The following CMTM6 variants were observed in gnomAD, a reference collection of about 807,000 sequenced individuals.
The protein encoded by CMTM6 is CKLF-like MARVEL transmembrane domain-containing protein 6.
In CMTM6, 5 loss-of-function variants were observed where a neutral mutation model predicts 13.6. The observed-to-expected ratio is 0.37, with a 90% confidence interval of 0.19 to 0.77. The LOEUF (loss-of-function observed/expected upper bound fraction) is 0.77. Among genes scored for constraint, CMTM6 ranks in the 30% least tolerant of loss-of-function variants. The pLI, the probability that CMTM6 is intolerant of heterozygous loss-of-function variation, is 0.50. For missense variants in CMTM6, 196 were observed against 218.6 expected (o/e 0.90, Z 0.65); for synonymous variants, 99 against 84.5 (o/e 1.17, Z -0.94).
chr3:32,488,806 G>C (rs1474922082), intron 2 of CMTM6, among the ~76,000 whole-genome samples: 3 of 152,112 alleles, frequency 2.0e-5, no homozygotes, highest in African/African-American at 7.2e-5. Flanking sequence ...GGGTTTCCAA[G>C]TGCTCTCTCA....
intron 1 of CMTM6, among the ~76,000 whole-genome samples, chr3:32,501,405 C>A (rs1697344059): frequency 6.6e-6 from 1 of 152,076 alleles, no homozygotes; most frequent in Admixed American, 6.6e-5. Context: ...CCTGATGCCT[C>A]GTAATAAATT....
At chr3:32,499,531 A>G (rs1187662419) in intron 1 of CMTM6, among the ~76,000 whole-genome samples, 1 of 152,208 alleles carries the variant, frequency 6.6e-6, no homozygotes. Flanking sequence ...CCAAACGTCA[A>G]TTCTCCCCTT....
intron 1 of CMTM6, among the ~76,000 whole-genome samples, chr3:32,494,693 G>T (rs1176295458): frequency 6.6e-6 from 1 of 151,848 alleles, no homozygotes; most frequent in Non-Finnish European, 1.5e-5. Context: ...GAGCAAACTT[G>T]ATATATGTAA....
At chr3:32,484,462 G>A (rs1459328448) in intron 3 of CMTM6, among the ~76,000 whole-genome samples, 1 of 152,134 alleles carries the variant, frequency 6.6e-6, no homozygotes, top group Non-Finnish European at 1.5e-5. Flanking sequence ...CCACAGATGC[G>A]ATAAGGAAAA....
At chr3:32,488,942 GT>G (rs1697227608) in intron 2 of CMTM6, among the ~76,000 whole-genome samples, 1 of 152,136 alleles carries the variant, frequency 6.6e-6, no homozygotes, top group Non-Finnish European at 1.5e-5. Flanking sequence ...TACTTTTTGA[GT>G]TTTCTGAACT....
chr3:32,497,853 G>A (rs1697310030), intron 1 of CMTM6, among the ~76,000 whole-genome samples: 4 of 102,722 alleles, frequency 3.9e-5, no homozygotes, highest in Admixed American at 9.5e-5. Flanking sequence ...GCGAGGCTTC[G>A]TCTCAAAAAA....
intron 1 of CMTM6, among the ~76,000 whole-genome samples, chr3:32,493,631 C>G (rs1327580395): frequency 1.3e-5 from 2 of 152,024 alleles, no homozygotes; most frequent in African/African-American, 2.4e-5. Context: ...GAAAGATAGC[C>G]TTATGTGGAA....
At chr3:32,501,377 C>T (rs1282086444) in intron 1 of CMTM6, among the ~76,000 whole-genome samples, 1 of 152,086 alleles carries the variant, frequency 6.6e-6, no homozygotes, top group African/African-American at 2.4e-5. Flanking sequence ...TGCAAAGGAA[C>T]AGTGGCAGGA....
chr3:32,498,597 CTTT>C (rs58720077), intron 1 of CMTM6, among the ~76,000 whole-genome samples: 17 of 127,048 alleles, frequency 1.3e-4, no homozygotes, highest in Admixed American at 2.5e-4. Context: ...ACTACCCCTT[CTTT>C]TTTTTTTTTT....
intron 2 of CMTM6, 137 bp downstream of exon 2, chr3:32,491,573 G>C (rs1251478976): frequency 5.9e-6 from 4 of 681,760 alleles, no homozygotes; most frequent in Non-Finnish European, 9.1e-6. Context: ...GAGGTGCTTA[G>C]AAGCAGAGCG....
Position 32,497,459 on chromosome 3 carries a change from C to T in CMTM6, c.138+5149G>A, listed in dbSNP as rs148656708. ...ACATACTCCAAACTGTTACTCATACCGTGACACCTGGTAGTGTGAGGGGTG... is the reference window on the plus strand; with the variant it reads ...ACATACTCCAAACTGTTACTCATACTGTGACACCTGGTAGTGTGAGGGGTG... On this transcript the variant is annotated intron_variant, in intron 1 of 3. Transcript: ENST00000205636. Among the ~76,000 whole-genome samples the T allele has an allele frequency of 6.3e-3, 948 of 149,410 alleles. 16 individuals are homozygous for T. The highest frequency in any genetic ancestry group is 0.022 in the African/African-American group (904 of 40,834).
In CMTM6 at chr3:32,481,778, A is replaced by G. The variant is rs1430869957; in HGVS notation, c.*2182T>C. On this transcript the variant is annotated 3_prime_UTR_variant, in exon 4 of 4. Transcript: ENST00000205636. ...TGAAGGAAGGTTCTAAGAGTGACCA[A>G]ATATACCAGTGAACATACTATCTTT... The G allele has an allele frequency of 6.6e-6, 1 of 152,232 alleles. No homozygotes were observed. The allele number at this position is 152,232 out of a possible 1,614,324, so 9.4% of individuals were successfully genotyped here.
rs1697220645 is a variant in CMTM6 at position 32,488,079 on chromosome 3, GA to G, written c.316-44del. The G allele has an allele frequency of 4.6e-6, 6 of 1,302,650 alleles. No individual in the cohort carries two copies. In the Admixed American group the frequency reaches 1.0e-4, roughly 22 times the overall value. 80.7% of individuals were successfully genotyped at this position (1,302,650 alleles called of 1,614,324 possible). On this transcript the variant is annotated intron_variant, in intron 2 of 3. Coordinates refer to ENST00000205636, the MANE Select transcript of CMTM6 (RefSeq NM_017801.3). ...ACACAAAAGGAATACAATACAGTTA[GA>G]TTCATGGAAATGAACTTTTTCATTT...
intron 2 of CMTM6, among the ~76,000 whole-genome samples, chr3:32,491,326 C>T (rs945714460): frequency 6.6e-6 from 1 of 152,214 alleles, no homozygotes; most frequent in African/African-American, 2.4e-5. Context: ...GTTCATTACT[C>T]TATCTCCAAT....
chr3:32,496,300 G>A (rs963524618), intron 1 of CMTM6, among the ~76,000 whole-genome samples: 1 of 151,322 alleles, frequency 6.6e-6, no homozygotes, highest in Non-Finnish European at 1.5e-5. Context: ...AAATTCTGTC[G>A]GCCAGATGCG....
At chr3:32,489,991 ATAT>A (rs1330944444) in intron 2 of CMTM6, among the ~76,000 whole-genome samples, 5 of 152,174 alleles carry the variant, frequency 3.3e-5, no homozygotes, top group Non-Finnish European at 7.3e-5. Context: ...CTCTTAAAAA[ATAT>A]TATTCCTTTG....
Position 32,502,698 on chromosome 3 carries a change from G to A in CMTM6, c.48C>T (p.Gly16=), listed in dbSNP as rs755781406. ...GGCCGCTCCGGGGGCCTCTGGCGGG[G>A]CCCGGGTCCTCCTCCGTAGTGGGGC... ...VYSPTTEEDP[G]PARGPRSGLA... Residue 16 remains glycine (G), a synonymous_variant, in exon 1 of 4, where the codon GGC becomes GGT. Coordinates refer to ENST00000205636, the MANE Select transcript of CMTM6 (RefSeq NM_017801.3). 1.9e-6 allele frequency: 3 copies of A among 1,584,658 alleles called. No individual in the cohort carries two copies. The highest frequency in any genetic ancestry group is 2.7e-5 in the African/African-American group (2 of 73,876).
At chr3:32,497,246 G>C (rs1032917443) in intron 1 of CMTM6, among the ~76,000 whole-genome samples, 1 of 151,504 alleles carries the variant, frequency 6.6e-6, no homozygotes, top group South Asian at 2.1e-4. Flanking sequence ...TTAGCCGGGC[G>C]TGGTGGCGGG....
At chr3:32,489,368 T>C (rs1575137552) in intron 2 of CMTM6, among the ~76,000 whole-genome samples, 2 of 152,012 alleles carry the variant, frequency 1.3e-5, no homozygotes, top group African/African-American at 4.8e-5. Context: ...AGAGGTTTTC[T>C]TGCCGGGCAC....
Sources: gnomAD v4.1 joint callset for allele counts (sites outside exome capture counted in the v4.1 genomes callset) on GRCh38, gnomAD v4.1.1 for gene constraint, MANE v1.5 for transcripts, NCBI Gene and HGNC (gene_info 2026-07-23, HGNC 2026-07-21) for gene names.